Variants in MED12L observed in about 807,000 individuals in gnomAD.
The protein encoded by MED12L is mediator of RNA polymerase II transcription subunit 12-like protein.
A neutral mutation model predicts 281.3 loss-of-function variants in MED12L; 60 were observed. That is an observed-to-expected ratio of 0.21 (90% CI 0.17 to 0.26). MED12L has a LOEUF of 0.26. Ranked by LOEUF, MED12L falls within the 10% of genes least tolerant of loss-of-function variation. MED12L has a pLI of 1.00. For missense variants in MED12L, 2,146 were observed against 2,680.9 expected (o/e 0.80, Z 4.41); for synonymous variants, 974 against 987.2 (o/e 0.99, Z 0.25).
intron 5 of MED12L, among the ~76,000 whole-genome samples, chr3:151,128,584 C>G (rs1714895582): frequency 6.6e-6 from 1 of 151,224 alleles, no homozygotes; most frequent in Non-Finnish European, 1.5e-5. Flanking sequence ...TTCTGTGTTT[C>G]TTGTTTGTTG....
chr3:151,328,063 C>A, intron 16 of MED12L: 1 of 1,609,254 alleles, frequency 6.2e-7, no homozygotes, highest in Non-Finnish European at 8.5e-7. Context: ...TTCTCCCTTG[C>A]ATACATGGTA....
At chr3:151,141,178 G>GTTTTTTTTTTTTTTTTTTTTTTT (rs370095367) in intron 5 of MED12L, among the ~76,000 whole-genome samples, 2 of 102,186 alleles carry the variant, frequency 2.0e-5, no homozygotes, top group African/African-American at 4.3e-5. Context: ...TTTTTTTTTT[G>GTTTTTTTTTTTTTTTTTTTTTTT]TTTTTTTTGT....
At chr3:151,375,879 T>G (rs553739672) in intron 27 of MED12L, 147 bp from the exon 28 acceptor site, 1 of 471,790 alleles carries the variant, frequency 2.1e-6, no homozygotes, top group African/African-American at 2.0e-5. Context: ...TTTTTAAAAT[T>G]TTTCTACCTA....
In MED12L at chr3:151,192,537, T is replaced by G. The variant is rs1724123407; in HGVS notation, c.1969-13T>G. On this transcript the variant is annotated splice_polypyrimidine_tract_variant and intron_variant, in intron 14 of 44. Coordinates refer to ENST00000687756, the MANE Select transcript of MED12L (RefSeq NM_001393769.1). Reference sequence around the variant, plus strand: ...AACTTACAATGTTACTTTCTTTCTCTGGCGATTATCAGGAACAGAGTATTA... The same window carrying G: ...AACTTACAATGTTACTTTCTTTCTCGGGCGATTATCAGGAACAGAGTATTA... 1 of 1,509,952 alleles carries G rather than the reference T, an allele frequency of 6.6e-7. No homozygotes were observed. 93.5% of individuals were successfully genotyped at this position (1,509,952 alleles called of 1,614,324 possible).
At chr3:151,336,483 T>A (rs1751008642) in intron 16 of MED12L, 1 of 456,394 alleles carries the variant, frequency 2.2e-6, no homozygotes, top group Non-Finnish European at 4.4e-6. Flanking sequence ...TACACCCTTT[T>A]ATTTCTTCTG....
chr3:151,296,834 T>A (rs910132364), intron 16 of MED12L, among the ~76,000 whole-genome samples: 19 of 152,180 alleles, frequency 1.2e-4, no homozygotes, highest in Non-Finnish European at 2.2e-4. Context: ...TAGTTATAAT[T>A]ATGTTTTGGA....
At chr3:151,328,375 A>C (rs150366287) in intron 16 of MED12L, 128 of 1,613,380 alleles carry the variant, frequency 7.9e-5, no homozygotes, top group Non-Finnish European at 9.5e-5. Flanking sequence ...TAACCACATA[A>C]AACACAAGCA....
intron 11 of MED12L, among the ~76,000 whole-genome samples, chr3:151,175,702 G>A (rs578043236): frequency 6.6e-6 from 1 of 152,248 alleles, no homozygotes; most frequent in Admixed American, 6.5e-5. Flanking sequence ...TGAATACATT[G>A]AATTACTGAA....
intron 16 of MED12L, among the ~76,000 whole-genome samples, chr3:151,274,801 C>G (rs183041047): frequency 5.2e-4 from 79 of 152,228 alleles, no homozygotes; most frequent in Admixed American, 2.6e-4. Context: ...GTGGATATGT[C>G]TGTTAGAATG....
At chr3:151,111,707 C>G (rs1395693958) in intron 2 of MED12L, among the ~76,000 whole-genome samples, 1 of 152,182 alleles carries the variant, frequency 6.6e-6, no homozygotes, top group Non-Finnish European at 1.5e-5. Context: ...ACTGACACTT[C>G]AGTATGGAGC....
intron 16 of MED12L, among the ~76,000 whole-genome samples, chr3:151,325,180 T>C (rs1052926790): frequency 6.6e-6 from 1 of 152,342 alleles, no homozygotes; most frequent in Non-Finnish European, 1.5e-5. Context: ...ACCTTTTGGC[T>C]TCCATGAATT....
chr3:151,422,688 CA>C (rs1718389204), intron 43 of MED12L, among the ~76,000 whole-genome samples: 1 of 152,048 alleles, frequency 6.6e-6, no homozygotes. Flanking sequence ...GTTACGACTC[CA>C]GCATGTCTTT....
At chr3:151,341,214 T>C (rs1348428479) in intron 16 of MED12L, among the ~76,000 whole-genome samples, 2 of 152,140 alleles carry the variant, frequency 1.3e-5, no homozygotes, top group Non-Finnish European at 2.9e-5. Flanking sequence ...CCCTTTGTTT[T>C]TCCCTTGGTT....
At chr3:151,141,187 G>GTTTTTTTTTTTTTTGTTTTTTTGTTTTGT (rs76965310) in intron 5 of MED12L, among the ~76,000 whole-genome samples, 2 of 99,108 alleles carry the variant, frequency 2.0e-5, no homozygotes, top group Admixed American at 1.1e-4. Flanking sequence ...TGTTTTTTTT[G>GTTTTTTTTTTTTTTGTTTTTTTGTTTTGT]TTTTTTTTTT....
chr3:151,276,290 T>C (rs958881255), intron 16 of MED12L, among the ~76,000 whole-genome samples: 18 of 152,244 alleles, frequency 1.2e-4, no homozygotes, highest in Non-Finnish European at 2.1e-4. Context: ...TGATGTTGAT[T>C]CAGCTGGTAT....
chr3:151,337,727 G>C (rs566458310), intron 16 of MED12L: 4 of 1,269,978 alleles, frequency 3.1e-6, no homozygotes, highest in South Asian at 2.6e-5. Flanking sequence ...TAACTTAGTT[G>C]CTTCTTCGTC....
chr3:151,270,087 T>TGAA (rs1740608173), intron 16 of MED12L: 1 of 219,450 alleles, frequency 4.6e-6, no homozygotes, highest in African/African-American at 2.4e-5. Context: ...AAGATGAAGA[T>TGAA]GATGATGAAA....
chr3:151,345,622 A>G (rs1577389181), intron 16 of MED12L, among the ~76,000 whole-genome samples: 1 of 149,994 alleles, frequency 6.7e-6, no homozygotes, highest in East Asian at 1.9e-4. Context: ...GGTTCAAGCA[A>G]TTTTCCTGCC....
At chr3:151,387,679 C>T (rs980317611) in intron 36 of MED12L, 131 bp from the exon 37 acceptor site, 21 of 1,033,180 alleles carry the variant, frequency 2.0e-5, no homozygotes, top group Non-Finnish European at 3.0e-5. Context: ...GTAACCCTCT[C>T]TGCTGTATTC....
Sources: gnomAD v4.1 joint callset for allele counts (sites outside exome capture counted in the v4.1 genomes callset) on GRCh38, gnomAD v4.1.1 for gene constraint, MANE v1.5 for transcripts, NCBI Gene and HGNC (gene_info 2026-07-23, HGNC 2026-07-21) for gene names.